Variants in MARK2 observed in about 807,000 individuals in gnomAD.
MARK2 encodes serine/threonine-protein kinase MARK2.
Under a neutral mutation model 89.8 loss-of-function variants are expected in MARK2, and 16 were observed. The observed-to-expected ratio is 0.18, with a 90% CI of 0.12 to 0.27. The LOEUF is 0.27. Ranked by LOEUF, MARK2 falls within the 10% of genes least tolerant of loss-of-function variation. The pLI, the probability that MARK2 is intolerant of heterozygous loss-of-function variation, is 1.00. For synonymous variants in MARK2, 382 were observed against 399.5 expected (o/e 0.96, Z 0.52); for missense variants, 621 against 1,049.9 (o/e 0.59, Z 5.65).
intron 7 of MARK2, 116 bp downstream of exon 7, chr11:63,899,224 C>CCTTT: frequency 1.4e-6 from 1 of 705,680 alleles, no homozygotes; most frequent in South Asian, 1.6e-5. Context: ...GAAACTCCAG[C>CCTTT]CTTTCTTTTT....
rs1441642938 is a variant in MARK2, at chr11:63,895,144, G to C, written c.55-15G>C. Reference sequence around the variant, plus strand: ...AAGTGTGGCATGTAATGGTATCTCTGTTTCCACCCCGCAGCCCACCTTGGG... The same window carrying C: ...AAGTGTGGCATGTAATGGTATCTCTCTTTCCACCCCGCAGCCCACCTTGGG... On this transcript the variant is annotated splice_polypyrimidine_tract_variant and intron_variant, in intron 1 of 18. Coordinates refer to ENST00000402010, the MANE Select transcript of MARK2 (RefSeq NM_001039469.3). 1 of 1,608,580 alleles carries C rather than the reference G, an allele frequency of 6.2e-7. No individual in the cohort carries two copies. The highest frequency in any genetic ancestry group is 8.5e-7 in the Non-Finnish European group (1 of 1,176,434).
At chr11:63,892,893 T>A (rs1053647456) in intron 1 of MARK2, among the ~76,000 whole-genome samples, 1 of 149,770 alleles carries the variant, frequency 6.7e-6, no homozygotes, top group Non-Finnish European at 1.5e-5. Context: ...CCACACCCAG[T>A]TGATTTCTTA....
intron 1 of MARK2, among the ~76,000 whole-genome samples, chr11:63,878,721 C>T (rs553074394): frequency 1.3e-5 from 2 of 152,198 alleles, no homozygotes; most frequent in South Asian, 4.1e-4. Flanking sequence ...AGGGAGCCCC[C>T]GTGTCTGCTG....
At chr11:63,907,382 T>C (rs1318588500) in intron 17 of MARK2, among the ~76,000 whole-genome samples, 1 of 152,178 alleles carries the variant, frequency 6.6e-6, no homozygotes, top group Admixed American at 6.5e-5. Context: ...GCAGTGCGCT[T>C]GTGTGCACCC....
chr11:63,870,880 G>A (rs187638713), intron 1 of MARK2, among the ~76,000 whole-genome samples: 48 of 152,296 alleles, frequency 3.2e-4, no homozygotes, highest in Admixed American at 1.1e-3. Context: ...GGGGGGGTCT[G>A]AGAGGCCATT....
intron 1 of MARK2, chr11:63,868,845 G>A (rs1407388420): frequency 1.1e-5 from 5 of 455,906 alleles, no homozygotes; most frequent in Admixed American, 9.4e-5. Context: ...ATTTATAGTG[G>A]GAGAAAAGCC....
At chr11:63,885,516 G>A (rs1459465839) in intron 1 of MARK2, among the ~76,000 whole-genome samples, 1 of 151,648 alleles carries the variant, frequency 6.6e-6, no homozygotes, top group African/African-American at 2.4e-5. Context: ...TCTAGCCTGG[G>A]TGATAGAGTC....
chr11:63,904,213 ATT>A lies in MARK2; in HGVS notation c.1676+68_1676+69del. 7.3e-7 allele frequency: 1 copy of A among 1,374,588 alleles called. No homozygotes were observed. Among genetic ancestry groups the A allele is most frequent in the Non-Finnish European group, 9.7e-7 (1 of 1,034,342 alleles). The allele number at this position is 1,374,588 out of a possible 1,614,324, so 85.1% of individuals were successfully genotyped here. A position where few individuals can be genotyped will look rare whatever the true frequency, so the allele number is the denominator to read the frequency against. Reference sequence around the variant, plus strand: ...CCCACCCTACCCCCTTGCCCCAACAATTTCTTCTTCCCACTTGGGGGTCCTGC... The same window carrying A: ...CCCACCCTACCCCCTTGCCCCAACAATCTTCTTCCCACTTGGGGGTCCTGC... On this transcript the variant is annotated intron_variant, in intron 15 of 18. Transcript: ENST00000402010. This position sits in a 1 kb window ranked among gnomAD's most constrained non-coding sequence, Gnocchi z 6.3.
intron 1 of MARK2, among the ~76,000 whole-genome samples, chr11:63,894,650 C>T (rs1447668214): frequency 6.6e-6 from 1 of 152,110 alleles, no homozygotes; most frequent in Non-Finnish European, 1.5e-5. Context: ...GAGCTGAGAT[C>T]GCACCATTGC....
At chr11:63,895,085 T>G (rs1472369363) in intron 1 of MARK2, 74 bp from the exon 2 acceptor site, 10 of 1,304,728 alleles carry the variant, frequency 7.7e-6, no homozygotes, top group Non-Finnish European at 1.1e-5. Flanking sequence ...CCCTCATCCC[T>G]TATATATTTT....
intron 1 of MARK2, among the ~76,000 whole-genome samples, chr11:63,843,592 T>C (rs938624905): frequency 1.1e-4 from 16 of 151,990 alleles, no homozygotes; most frequent in Admixed American, 6.6e-4. Flanking sequence ...TGGACCCCCA[T>C]TGTTGATTCT....
intron 1 of MARK2, among the ~76,000 whole-genome samples, chr11:63,890,800 T>C (rs1048667472): frequency 3.3e-5 from 5 of 152,276 alleles, no homozygotes; most frequent in East Asian, 3.8e-4. Context: ...GCATTTTACA[T>C]GTGCTCTTTC....
intron 3 of MARK2, among the ~76,000 whole-genome samples, chr11:63,895,890 G>A (rs978481357): frequency 6.6e-6 from 1 of 151,762 alleles, no homozygotes; most frequent in African/African-American, 2.4e-5. Context: ...GGCTGGTCTC[G>A]AACTCCTGAC....
rs757123411 is a variant in MARK2 at position 63,877,100 on chromosome 11, C to CTT, written c.55-18033_55-18032dup. ...TCTTAGAAACCAGTTCAATCAGACT[C>CTT]TTTTTTTTTTTTTTTTTTTTTTTTT... On this transcript the variant is annotated intron_variant, in intron 1 of 18. Coordinates refer to ENST00000402010, the MANE Select transcript of MARK2 (RefSeq NM_001039469.3). Among the ~76,000 whole-genome samples, 201 of 79,502 alleles carry CTT rather than the reference C, an allele frequency of 2.5e-3. 9 individuals carry two copies. The highest frequency in any genetic ancestry group is 7.9e-3 in the African/African-American group (166 of 20,934). The allele number at this position is 79,502 out of a possible 152,430, so 52.2% of individuals were successfully genotyped here. A position where few individuals can be genotyped will look rare whatever the true frequency, so the allele number is the denominator to read the frequency against.
rs966516504 is a variant in MARK2, at chr11:63,860,500, C to T, written c.54+20940C>T. 4.7e-5 allele frequency among the ~76,000 whole-genome samples: 7 copies of T among 148,560 alleles called. No individual in the cohort carries two copies. The South Asian group carries it at 8.6e-4, about 18-fold the overall frequency. ...CCAGGAGGGGGAGGCTACAGTGAGC[C>T]GAGATCATGCCACTGCACTGTAGCC... On this transcript the variant is annotated intron_variant, in intron 1 of 18. Transcript: ENST00000402010.
intron 1 of MARK2, among the ~76,000 whole-genome samples, chr11:63,880,889 A>C (rs1385812121): frequency 6.6e-6 from 1 of 152,242 alleles, no homozygotes; most frequent in Non-Finnish European, 1.5e-5. Context: ...ATCAGTTATC[A>C]GTTGGTCCCA....
chr11:63,869,425 G>C (rs762189647), intron 1 of MARK2: 1 of 158,088 alleles, frequency 6.3e-6, no homozygotes, highest in Non-Finnish European at 1.4e-5. Flanking sequence ...CAGGAGCTGT[G>C]CCTAGTCCGG....
At chr11:63,880,795 C>G (rs1389327821) in intron 1 of MARK2, among the ~76,000 whole-genome samples, 1 of 152,158 alleles carries the variant, frequency 6.6e-6, no homozygotes, top group African/African-American at 2.4e-5. Context: ...GGTGATCACT[C>G]ACTTTTCATC....
At chr11:63,878,154 C>T (rs181594318) in intron 1 of MARK2, among the ~76,000 whole-genome samples, 2 of 152,276 alleles carry the variant, frequency 1.3e-5, no homozygotes, top group East Asian at 3.9e-4. Context: ...GGTACTGTTG[C>T]AGGTTGTCTT....
Sources: gnomAD v4.1 joint callset for allele counts (sites outside exome capture counted in the v4.1 genomes callset) on GRCh38, gnomAD v4.1.1 for gene constraint, Gnocchi (gnomAD v3.1) non-coding constraint, MANE v1.5 for transcripts, NCBI Gene and HGNC (gene_info 2026-07-23, HGNC 2026-07-21) for gene names.